The following KANK1 variants were observed in gnomAD, a reference collection of about 807,000 sequenced individuals.
KANK1 encodes the protein KN motif and ankyrin repeat domains 1, also known as KN motif and ankyrin repeat domain-containing protein 1.
KANK1 carries 109 observed loss-of-function variants against 106.2 expected under a neutral mutation model. That is an observed-to-expected ratio of 1.03 (90% CI 0.88 to 1.20). The LOEUF is 1.20. Among genes scored for constraint, KANK1 ranks in the 50% most tolerant of loss-of-function variants. KANK1 has a pLI of 0.00. For synonymous variants in KANK1, 873 were observed against 652.2 expected, an observed-to-expected ratio of 1.34 and a Z score of -5.16; for missense variants, 2,399 against 1,710.7, an observed-to-expected ratio of 1.40 and a Z score of -7.10.
At chr9:552,172 G>C (rs770207124) in intron 1 of KANK1, among the ~76,000 whole-genome samples, 9 of 152,206 alleles carry the variant, frequency 5.9e-5, no homozygotes, top group Non-Finnish European at 1.3e-4. Context: ...TGTGAAGATT[G>C]GCAGCGGGTG....
At chr9:520,782 C>G (rs1379246894) in intron 1 of KANK1, among the ~76,000 whole-genome samples, 1 of 151,662 alleles carries the variant, frequency 6.6e-6, no homozygotes, top group Non-Finnish European at 1.5e-5. Context: ...AGAGCTGTAC[C>G]AACAACTTGG....
rs1238757993 is a variant in KANK1 at position 690,442 on chromosome 9, G to C, written c.37+13433G>C. ...AGCACCATGCTTATGCATGACATAAGCTTCATCTGTAAAAGGCTGAAGTAA... is the reference window on the plus strand; with the variant it reads ...AGCACCATGCTTATGCATGACATAACCTTCATCTGTAAAAGGCTGAAGTAA... On this transcript the variant is annotated intron_variant, in intron 2 of 11. Transcript: ENST00000382297. Among the ~76,000 whole-genome samples, 11 of 152,204 alleles carry C rather than the reference G, an allele frequency of 7.2e-5. No individual in the cohort carries two copies. The East Asian group carries it at 2.1e-3, about 29-fold the overall frequency.
rs1818207789 is a variant in KANK1, at chr9:684,674, C to T, written c.37+7665C>T. 3 of 718,716 alleles carry T rather than the reference C, an allele frequency of 4.2e-6. No homozygotes were observed. In the African/African-American group the frequency reaches 5.8e-5, roughly 14 times the overall value. The allele number at this position is 718,716 out of a possible 1,614,324, so 44.5% of individuals were successfully genotyped here. ...ATCAAAGGTATAGCTCATTTGCTTC[C>T]TTTTCCAGGGTTTGCCTTCTTCCTG... On this transcript the variant is annotated intron_variant, in intron 2 of 11. Coordinates refer to ENST00000382297, the MANE Select transcript of KANK1 (RefSeq NM_015158.5).
intron 1 of KANK1, among the ~76,000 whole-genome samples, chr9:537,016 C>T (rs1459235454): frequency 6.6e-6 from 1 of 152,170 alleles, no homozygotes; most frequent in Non-Finnish European, 1.5e-5. Flanking sequence ...ACCTCCTTCT[C>T]TCTTTTAGGA....
At chr9:710,343 C>T (rs536860028) in intron 2 of KANK1, among the ~76,000 whole-genome samples, 35 of 152,162 alleles carry the variant, frequency 2.3e-4, no homozygotes, top group African/African-American at 8.2e-4. Flanking sequence ...CCAAGCCGGG[C>T]GCAGTGGCTC....
chr9:588,383 TATTTCCTTAGGATA>T (rs1397694305), intron 1 of KANK1, among the ~76,000 whole-genome samples: 4 of 152,212 alleles, frequency 2.6e-5, no homozygotes, highest in African/African-American at 9.6e-5. Context: ...CATCTATGAT[TATTTCCTTAGGATA>T]AATTGCCAGA....
At chr9:556,791 A>G (rs1421845033) in intron 1 of KANK1, among the ~76,000 whole-genome samples, 1 of 152,058 alleles carries the variant, frequency 6.6e-6, no homozygotes, top group Non-Finnish European at 1.5e-5. Flanking sequence ...CTCCAATTTA[A>G]TTCTTTTAGT....
intron 1 of KANK1, among the ~76,000 whole-genome samples, chr9:561,829 T>G (rs978580328): frequency 4.6e-5 from 7 of 152,208 alleles, no homozygotes; most frequent in Non-Finnish European, 1.0e-4. Flanking sequence ...TAAAGAAAAC[T>G]GTCAAGAGTC....
At chr9:482,263 T>G (rs1270019606) in intron 3 of KANK1, among the ~76,000 whole-genome samples, 2 of 152,188 alleles carry the variant, frequency 1.3e-5, no homozygotes, top group African/African-American at 2.4e-5. Context: ...GCAAATTAAT[T>G]GAATTTTCAA....
intron 8 of KANK1, among the ~76,000 whole-genome samples, chr9:739,457 C>T (rs1589332420): frequency 6.6e-6 from 1 of 152,322 alleles, no homozygotes; most frequent in Middle Eastern, 3.4e-3. Context: ...ATTTATCCTT[C>T]CTTTCTCTTA....
chr9:729,997 C>A, intron 3 of KANK1, 54 bp from the exon 4 acceptor site: 1 of 1,475,252 alleles, frequency 6.8e-7, no homozygotes, highest in Non-Finnish European at 9.3e-7. Context: ...TTTGTTGAAG[C>A]CTGCTTTTTC....
chr9:564,083 A>C (rs1817191666), intron 1 of KANK1, among the ~76,000 whole-genome samples: 1 of 147,952 alleles, frequency 6.8e-6, no homozygotes, highest in South Asian at 2.1e-4. Flanking sequence ...TTTTTGAGAC[A>C]GAGTCTTGCT....
chr9:470,480 A>G (rs1308182394), intron 1 of KANK1: 1 of 152,384 alleles, frequency 6.6e-6, no homozygotes, highest in Non-Finnish European at 1.5e-5. Context: ...AAATCGTGGC[A>G]AGTGGGCATA....
In KANK1 at chr9:713,433, C is replaced by A; in HGVS notation, c.2667C>A (p.Asp889Glu). ...GCACTGAAGAGCTGAGGAACCCTGA[C>A]TTCCAGAAAACCAGTCTGGGTAAAA... ...SASTEELRNPDFQKTSLGKIT... is the reference protein window; with the variant it reads ...SASTEELRNPEFQKTSLGKIT... The change falls in exon 3 of 12, where the codon GAC (aspartate) becomes GAA (glutamate). Residue 889 changes from aspartate to glutamate, a missense_variant. Asp to Glu is a conservative substitution (Grantham distance 45, BLOSUM62 2). Transcript: ENST00000382297. 6.2e-7 allele frequency: 1 copy of A among 1,601,738 alleles called. No individual in the cohort carries two copies. Among genetic ancestry groups the A allele is most frequent in the Non-Finnish European group, 8.5e-7 (1 of 1,175,136 alleles).
rs1281828519 is a variant in KANK1, at chr9:717,950, T to C, written c.2698+4486T>C. Among the ~76,000 whole-genome samples, 20 of 151,996 alleles carry C rather than the reference T, an allele frequency of 1.3e-4. 1 individual carries two copies. The highest frequency in any genetic ancestry group is 1.3e-3 in the Admixed American group (20 of 15,280). On this transcript the variant is annotated intron_variant, in intron 3 of 11. Coordinates refer to ENST00000382297, the MANE Select transcript of KANK1 (RefSeq NM_015158.5). ...AAAAGACCTGCTTTTTAAAATCAGC[T>C]TCCGTATTTATACTCTTAGTTATCT...
rs540168730 is a variant in KANK1, at chr9:588,745, A to C, written c.-84+83991A>C. The stretch of plus-strand genomic sequence containing the variant: ...CAGAATCGGATAGGGCACGGACTGT[A>C]GAGTTAGATGCCTGGGTTCAAATCA... On this transcript the variant is annotated intron_variant, in intron 1 of 11. Transcript: ENST00000382297. 2.0e-5 allele frequency among the ~76,000 whole-genome samples: 3 copies of C among 152,220 alleles called. No homozygotes were observed. In the South Asian group the frequency reaches 6.2e-4, roughly 32 times the overall value.
At chr9:687,762 C>T (rs568455861) in intron 2 of KANK1, among the ~76,000 whole-genome samples, 83 of 152,324 alleles carry the variant, frequency 5.4e-4, no homozygotes, top group Non-Finnish European at 1.0e-3. Context: ...CTCTCTTCCT[C>T]TTCTTTATTC....
intron 1 of KANK1, among the ~76,000 whole-genome samples, chr9:658,455 C>A (rs1014610116): frequency 6.6e-6 from 1 of 151,460 alleles, no homozygotes; most frequent in Non-Finnish European, 1.5e-5. Context: ...GGCCCCGAGC[C>A]TCCAGACCTT....
chr9:744,607 G>C lies in KANK1; in HGVS notation c.3996+18G>C, dbSNP rs1203910825. 3.1e-6 allele frequency: 5 copies of C among 1,613,926 alleles called. No homozygotes were observed. The highest frequency in any genetic ancestry group is 1.7e-5 in the Admixed American group (1 of 59,982). ...AGTCTCCGGTCAGTGTTGTGCATTT[G>C]GCATTTGTAAATAGGCTGAAATCCA... On this transcript the variant is annotated intron_variant, in intron 11 of 11. Coordinates refer to ENST00000382297, the MANE Select transcript of KANK1 (RefSeq NM_015158.5).
Sources: gnomAD v4.1 joint callset for allele counts (sites outside exome capture counted in the v4.1 genomes callset) on GRCh38, gnomAD v4.1.1 for gene constraint, MANE v1.5 for transcripts, NCBI Gene and HGNC (gene_info 2026-07-23, HGNC 2026-07-21) for gene names.